The following NBAS variants were observed in gnomAD, a reference collection of about 807,000 sequenced individuals.
NBAS encodes the protein NAG/BC035112 fusion.
In NBAS, 219 loss-of-function variants were observed where a neutral mutation model predicts 302.5. The observed-to-expected ratio is 0.72, with a 90% CI of 0.65 to 0.81. The LOEUF is 0.81. Ranked by LOEUF, NBAS falls within the 30% of genes least tolerant of loss-of-function variation. The pLI, the probability that NBAS is intolerant of heterozygous loss-of-function variation, is 0.00. For synonymous variants in NBAS, 1,118 were observed against 1,021.6 expected (o/e 1.09, Z -1.80); for missense variants, 2,932 against 2,841.6 (o/e 1.03, Z -0.72).
chr2:15,057,823 T>C, the NBAS span, among the ~76,000 whole-genome samples: 3 of 152,252 alleles, frequency 2.0e-5, no homozygotes, highest in African/African-American at 7.2e-5. Flanking sequence ...CACTCGTTGA[T>C]TGACAGGCAT....
chr2:15,147,173 T>G, the NBAS span, among the ~76,000 whole-genome samples: 1 of 152,034 alleles, frequency 6.6e-6, no homozygotes, highest in Non-Finnish European at 1.5e-5. Context: ...GGAGGCAGGA[T>G]TGTATTCAAG....
the NBAS span, among the ~76,000 whole-genome samples, chr2:15,120,972 C>T: frequency 1.3e-5 from 2 of 152,212 alleles, no homozygotes; most frequent in South Asian, 2.1e-4. Context: ...GACCTATTCA[C>T]AGCTTTTCTC....
intron 21 of NBAS, among the ~76,000 whole-genome samples, chr2:15,433,556 T>C (rs903622199): frequency 1.5e-4 from 23 of 152,248 alleles, no homozygotes; most frequent in Non-Finnish European, 1.3e-4. Context: ...TGCGATAACC[T>C]CCACTTATAC....
At chr2:15,445,236 C>A (rs1678665370) in intron 21 of NBAS, among the ~76,000 whole-genome samples, 1 of 148,460 alleles carries the variant, frequency 6.7e-6, no homozygotes, top group Non-Finnish European at 1.5e-5. Context: ...TTCACAATAG[C>A]AAAGACTTGG....
the NBAS span, among the ~76,000 whole-genome samples, chr2:15,027,106 G>T: frequency 0.77 from 116,916 of 151,732 alleles, 45,295 homozygotes; most frequent in East Asian, 1. Context: ...TAAACTTTAG[G>T]ATCATTGTCT....
At chr2:15,257,990 A>G (rs1668679097) in intron 44 of NBAS, among the ~76,000 whole-genome samples, 1 of 152,178 alleles carries the variant, frequency 6.6e-6, no homozygotes, top group Non-Finnish European at 1.5e-5. Context: ...CCTCATTAAG[A>G]TGTGCATTTT....
chr2:15,463,788 C>CAAAAAAAAA (rs55808465), intron 19 of NBAS, among the ~76,000 whole-genome samples: 10 of 91,636 alleles, frequency 1.1e-4, no homozygotes, highest in Admixed American at 1.3e-4. Context: ...GAACCAAATG[C>CAAAAAAAAA]AAAAAAAAAA....
chr2:14,973,977 C>A, the NBAS span, among the ~76,000 whole-genome samples: 1 of 152,196 alleles, frequency 6.6e-6, no homozygotes, highest in Non-Finnish European at 1.5e-5. Flanking sequence ...AAATCATTCT[C>A]ATTCTTCAAG....
chr2:15,247,128 T>C (rs1668127584), intron 44 of NBAS, among the ~76,000 whole-genome samples: 1 of 152,164 alleles, frequency 6.6e-6, no homozygotes, highest in Admixed American at 6.5e-5. Flanking sequence ...GTACATGGGC[T>C]TGGCTGGAAT....
intron 24 of NBAS, among the ~76,000 whole-genome samples, chr2:15,416,595 G>A (rs1181234516): frequency 1.3e-5 from 2 of 152,056 alleles, no homozygotes. Flanking sequence ...CCTGAGGTCA[G>A]GAGTTCAAGA....
At chr2:15,532,237 C>T (rs1663253190) in intron 9 of NBAS, among the ~76,000 whole-genome samples, 2 of 152,048 alleles carry the variant, frequency 1.3e-5, no homozygotes, top group African/African-American at 2.4e-5. Flanking sequence ...CGCCTGTAAT[C>T]CCAGCACTTT....
chr2:15,400,568 A>G (rs1676102989), intron 26 of NBAS, among the ~76,000 whole-genome samples: 1 of 152,184 alleles, frequency 6.6e-6, no homozygotes, highest in Non-Finnish European at 1.5e-5. Context: ...TAAAGGAGGT[A>G]GGCAAAGACA....
the NBAS span, among the ~76,000 whole-genome samples, chr2:14,861,847 C>T: frequency 1.3e-5 from 2 of 152,138 alleles, no homozygotes; most frequent in Non-Finnish European, 2.9e-5. Flanking sequence ...CCCTAGATCG[C>T]CAGAGTGAAA....
At chr2:15,011,704 C>T in the NBAS span, among the ~76,000 whole-genome samples, 1 of 152,176 alleles carries the variant, frequency 6.6e-6, no homozygotes, top group African/African-American at 2.4e-5. Flanking sequence ...ACACATGCCC[C>T]TAACCTAAGA....
chr2:15,077,840 C>A, the NBAS span, among the ~76,000 whole-genome samples: 2 of 152,008 alleles, frequency 1.3e-5, no homozygotes, highest in Admixed American at 1.3e-4. Flanking sequence ...CGCACCACCA[C>A]ACCTGGCTAA....
At chr2:15,315,961 T>C (rs981606276) in intron 38 of NBAS, among the ~76,000 whole-genome samples, 1 of 152,168 alleles carries the variant, frequency 6.6e-6, no homozygotes, top group African/African-American at 2.4e-5. Context: ...CTTGGAAGTT[T>C]CTTAGTCTTG....
the NBAS span, among the ~76,000 whole-genome samples, chr2:14,856,335 T>A: frequency 6.6e-6 from 1 of 152,130 alleles, no homozygotes; most frequent in Non-Finnish European, 1.5e-5. Context: ...TGGCTACAAA[T>A]AAGTCCAGAC....
chr2:15,195,205 A>C (rs1665560823), intron 48 of NBAS, among the ~76,000 whole-genome samples: 1 of 152,220 alleles, frequency 6.6e-6, no homozygotes, highest in Non-Finnish European at 1.5e-5. Context: ...GATAGGATTA[A>C]GAGATGAGAT....
the NBAS span, among the ~76,000 whole-genome samples, chr2:15,113,341 G>GTA: frequency 6.6e-6 from 1 of 151,156 alleles, no homozygotes; most frequent in Non-Finnish European, 1.5e-5. Context: ...GTGTGTGTGT[G>GTA]TGTGTGTGTG....
Sources: gnomAD v4.1 joint callset for allele counts (sites outside exome capture counted in the v4.1 genomes callset) on GRCh38, gnomAD v4.1.1 for gene constraint, MANE v1.5 for transcripts, NCBI Gene and HGNC (gene_info 2026-07-23, HGNC 2026-07-21) for gene names.